Variants in NALCN observed in about 807,000 individuals in gnomAD.
NALCN encodes the protein sodium leak channel, non-selective.
NALCN carries 111 observed loss-of-function variants against 225.3 expected under a neutral mutation model. The observed-to-expected ratio is 0.49, with a 90% CI of 0.42 to 0.58. The LOEUF is 0.58. Ranked by LOEUF, NALCN falls within the 20% of genes least tolerant of loss-of-function variation. The probability of loss-of-function intolerance (pLI) is 0.00; values close to 1 mark genes in which losing one functional copy is unlikely to be tolerated. For synonymous variants in NALCN, 764 were observed against 769.0 expected (o/e 0.99, Z 0.11); for missense variants, 1,378 against 2,202.4 (o/e 0.63, Z 7.49).
intron 10 of NALCN, among the ~76,000 whole-genome samples, chr13:101,278,201 A>T (rs1332117957): frequency 6.6e-6 from 1 of 152,106 alleles, no homozygotes; most frequent in Non-Finnish European, 1.5e-5. Flanking sequence ...TTTCATTCCA[A>T]TAAACTCTGT....
chr13:101,395,270 CTGAAG>C lies in NALCN; in HGVS notation c.199_203del (p.Leu67ValfsTer32). 6.2e-7 allele frequency: 1 copy of C among 1,614,056 alleles called. No individual in the cohort carries two copies. Among genetic ancestry groups the C allele is most frequent in the Non-Finnish European group, 8.5e-7 (1 of 1,179,950 alleles). ...ATGTATCCAAAGTGAAGGTCACATA[CTGAAG>C]TGGAGGATAGTGCTCGAAGGTCATT... On this transcript the variant is annotated frameshift_variant, in exon 3 of 44. Coordinates refer to ENST00000251127, the MANE Select transcript of NALCN (RefSeq NM_052867.4). LOFTEE classifies it high-confidence loss of function.
chr13:101,247,333 T>C (rs937190806), intron 11 of NALCN, among the ~76,000 whole-genome samples: 21 of 152,164 alleles, frequency 1.4e-4, no homozygotes, highest in African/African-American at 5.1e-4. Flanking sequence ...AGAACTGTGA[T>C]ATCACCCATA....
intron 11 of NALCN, among the ~76,000 whole-genome samples, chr13:101,252,800 C>A (rs898705049): frequency 6.6e-6 from 1 of 152,102 alleles, no homozygotes; most frequent in Admixed American, 6.6e-5. Context: ...TAGGGGGTGA[C>A]ACAGAGCTAA....
At chr13:101,231,959 G>A (rs895580349) in intron 12 of NALCN, among the ~76,000 whole-genome samples, 12 of 151,380 alleles carry the variant, frequency 7.9e-5, no homozygotes, top group African/African-American at 2.4e-4. Context: ...CATCCTCAGG[G>A]CTTTTGCTGG....
intron 16 of NALCN, among the ~76,000 whole-genome samples, chr13:101,144,491 G>C (rs1375076846): frequency 6.6e-6 from 1 of 152,224 alleles, no homozygotes; most frequent in African/African-American, 2.4e-5. Flanking sequence ...TTCCCGAGGA[G>C]TCATCCCAGA....
intron 10 of NALCN, among the ~76,000 whole-genome samples, chr13:101,271,378 C>CTGT: frequency 6.6e-6 from 1 of 152,038 alleles, no homozygotes; most frequent in East Asian, 1.9e-4. Context: ...ATTGGCCTCT[C>CTGT]TGTTTAGTTT....
intron 25 of NALCN, 43 bp from the exon 26 acceptor site, chr13:101,103,382 C>A: frequency 1.3e-6 from 2 of 1,563,968 alleles, no homozygotes. Flanking sequence ...ACAATTCATC[C>A]CCTACTATTT....
chr13:101,132,625 CTCT>C (rs2139736910), intron 17 of NALCN, among the ~76,000 whole-genome samples: 1 of 152,116 alleles, frequency 6.6e-6, no homozygotes, highest in South Asian at 2.1e-4. Flanking sequence ...GTATTATTAT[CTCT>C]TTTTTCCAGA....
intron 42 of NALCN, chr13:101,058,724 A>C (rs2031570964): frequency 6.7e-6 from 1 of 149,292 alleles, no homozygotes; most frequent in Admixed American, 6.7e-5. Flanking sequence ...GAGGGCTCTG[A>C]AATCATCACT....
intron 28 of NALCN, among the ~76,000 whole-genome samples, chr13:101,092,546 T>C (rs571963394): frequency 6.6e-6 from 1 of 152,318 alleles, no homozygotes; most frequent in East Asian, 1.9e-4. Context: ...ACCTGGCTAG[T>C]TCCTATTGGT....
chr13:101,134,679 T>C (rs911706238), intron 17 of NALCN, among the ~76,000 whole-genome samples: 3 of 152,190 alleles, frequency 2.0e-5, no homozygotes, highest in Non-Finnish European at 4.4e-5. Flanking sequence ...GCTTGTAATA[T>C]TAGAAACTAA....
At chr13:101,211,239 G>T (rs559565736) in intron 13 of NALCN, among the ~76,000 whole-genome samples, 2 of 152,238 alleles carry the variant, frequency 1.3e-5, no homozygotes, top group African/African-American at 4.8e-5. Context: ...ATTAATGTAA[G>T]ATGGCAATTA....
Position 101,111,121 on chromosome 13 carries a change from T to C in NALCN, c.2294+4A>G. 5 of 1,602,520 alleles carry C rather than the reference T, an allele frequency of 3.1e-6. No individual in the cohort carries two copies. Among genetic ancestry groups the C allele is most frequent in the Non-Finnish European group, 4.3e-6 (5 of 1,171,194 alleles). On this transcript the variant is annotated splice_donor_region_variant and intron_variant, in intron 19 of 43. Transcript: ENST00000251127. ...TCTGAAGCCCTGTCTTCCCAAGTAT[T>C]TACCTGCGCTCTTGGCGGATATGAT...
chr13:101,054,983 CA>C lies in NALCN; in HGVS notation c.*311del, dbSNP rs2031035615. On this transcript the variant is annotated 3_prime_UTR_variant, in exon 44 of 44. Coordinates refer to ENST00000251127, the MANE Select transcript of NALCN (RefSeq NM_052867.4). The stretch of plus-strand genomic sequence containing the variant: ...GCGGTGATAATACTGCATTAGAGCA[CA>C]TATGAATATATACCTTAGTTTACGC... 3 of 298,450 alleles carry C rather than the reference CA, an allele frequency of 1.0e-5. No individual in the cohort carries two copies. Among genetic ancestry groups the C allele is most frequent in the Non-Finnish European group, 1.9e-5 (3 of 160,986 alleles). The allele number at this position is 298,450 out of a possible 1,614,324, so 18.5% of individuals were successfully genotyped here.
intron 17 of NALCN, among the ~76,000 whole-genome samples, chr13:101,125,074 A>C (rs1001907075): frequency 2.6e-5 from 4 of 152,174 alleles, no homozygotes; most frequent in Non-Finnish European, 5.9e-5. Flanking sequence ...AATCTGAACA[A>C]TGAGTTTAGG....
At chr13:101,415,566 T>C (rs1184562132) in intron 1 of NALCN, among the ~76,000 whole-genome samples, 1 of 152,224 alleles carries the variant, frequency 6.6e-6, no homozygotes, top group Non-Finnish European at 1.5e-5. Flanking sequence ...ATGACTGCGA[T>C]CTGGGCCCCC....
chr13:101,178,622 G>C (rs997494188), intron 14 of NALCN, among the ~76,000 whole-genome samples: 1 of 152,276 alleles, frequency 6.6e-6, no homozygotes, highest in East Asian at 1.9e-4. Context: ...CTGGCTCCAA[G>C]TTGTAAACCT....
chr13:101,066,405 C>G (rs995182250), intron 39 of NALCN, among the ~76,000 whole-genome samples: 1 of 152,140 alleles, frequency 6.6e-6, no homozygotes, highest in South Asian at 2.1e-4. Context: ...GCTCTGCCCT[C>G]TTCTGGGGTC....
At chr13:101,171,619 G>C (rs905187013) in intron 15 of NALCN, among the ~76,000 whole-genome samples, 2 of 152,086 alleles carry the variant, frequency 1.3e-5, no homozygotes, top group Non-Finnish European at 2.9e-5. Flanking sequence ...GAAGGCAATA[G>C]AGGAATTTCA....
Sources: allele counts gnomAD v4.1 joint callset (sites outside exome capture counted in the v4.1 genomes callset), GRCh38; gene constraint gnomAD v4.1.1; transcripts MANE v1.5; gene names NCBI Gene and HGNC (gene_info 2026-07-23, HGNC 2026-07-21).